The following CELF4 variants were observed in gnomAD, a reference collection of about 807,000 sequenced individuals.
CELF4 encodes CUG-BP- and ETR-3-like factor 4.
A neutral mutation model predicts 59.9 loss-of-function variants in CELF4; 18 were observed. That is an observed-to-expected ratio of 0.30 (90% CI 0.21 to 0.45). The LOEUF is 0.45. Among genes scored for constraint, CELF4 ranks in the 20% least tolerant of loss-of-function variants. The pLI is 1.00. For synonymous variants in CELF4, 261 were observed against 267.1 expected, an observed-to-expected ratio of 0.98 and a Z score of 0.22; for missense variants, 456 against 689.0, an observed-to-expected ratio of 0.66 and a Z score of 3.79.
chr18:37,483,387 G>A (rs145457306), intron 2 of CELF4, among the ~76,000 whole-genome samples: 287 of 152,258 alleles, frequency 1.9e-3, no homozygotes, highest in African/African-American at 6.7e-3. Context: ...TGCCTGCCCC[G>A]AGAATTGTTT....
At chr18:37,251,563 T>C (rs753250184) in intron 12 of CELF4, among the ~76,000 whole-genome samples, 1 of 152,188 alleles carries the variant, frequency 6.6e-6, no homozygotes, top group Admixed American at 6.5e-5. Flanking sequence ...CCAAATCCTC[T>C]AGTTGACTCT....
At chr18:37,540,332 A>G (rs1375558253) in intron 1 of CELF4, among the ~76,000 whole-genome samples, 2 of 152,212 alleles carry the variant, frequency 1.3e-5, no homozygotes, top group Non-Finnish European at 2.9e-5. Flanking sequence ...TTGTAAGTAA[A>G]ACAGCAGCGT....
chr18:37,414,232 A>G (rs1326923077), intron 2 of CELF4, among the ~76,000 whole-genome samples: 1 of 151,304 alleles, frequency 6.6e-6, no homozygotes, highest in Admixed American at 6.6e-5. Flanking sequence ...CTATCTATCT[A>G]TCTATCTATC....
chr18:37,493,228 C>G (rs1387709110), intron 1 of CELF4, among the ~76,000 whole-genome samples: 1 of 152,208 alleles, frequency 6.6e-6, no homozygotes, highest in African/African-American at 2.4e-5. Context: ...ATGCCTCACC[C>G]CTTTAGAGCC....
At chr18:37,295,586 T>C (rs970863162) in intron 3 of CELF4, among the ~76,000 whole-genome samples, 2 of 152,166 alleles carry the variant, frequency 1.3e-5, no homozygotes, top group African/African-American at 4.8e-5. Flanking sequence ...ACTCTTGCAA[T>C]GCACCAGTCA....
At position 37,270,986 on chromosome 18, in the gene CELF4, C is replaced by T. The variant is rs143217554; in HGVS notation, c.950-69G>A. On this transcript the variant is annotated intron_variant, in intron 7 of 12. Coordinates refer to ENST00000420428, the MANE Select transcript of CELF4 (RefSeq NM_020180.4). The stretch of plus-strand genomic sequence containing the variant: ...GCAGAACAAAGGTGAGGAAGGCCCA[C>T]CCATAAAGCTTCACTCAACTGTTTC... 5.7e-5 allele frequency: 77 copies of T among 1,362,316 alleles called. No individual in the cohort carries two copies. The African/African-American group carries it at 9.3e-4, about 16-fold the overall frequency. 84.4% of individuals were successfully genotyped at this position (1,362,316 alleles called of 1,614,324 possible). A position where few individuals can be genotyped will look rare whatever the true frequency, so the allele number is the denominator to read the frequency against.
chr18:37,437,123 T>TATGGGTGGG (rs1411919204), intron 2 of CELF4, among the ~76,000 whole-genome samples: 39 of 152,058 alleles, frequency 2.6e-4, no homozygotes, highest in Non-Finnish European at 5.0e-4. Context: ...GGCTCCCCAG[T>TATGGGTGGG]GGGTGGCAGG....
intron 2 of CELF4, among the ~76,000 whole-genome samples, chr18:37,475,843 C>T (rs1352513717): frequency 1.3e-5 from 2 of 152,184 alleles, no homozygotes; most frequent in Non-Finnish European, 2.9e-5. Context: ...CCAAGCCTTC[C>T]TCCTCTTACT....
At chr18:37,448,810 G>A (rs1188448829) in intron 2 of CELF4, among the ~76,000 whole-genome samples, 1 of 152,212 alleles carries the variant, frequency 6.6e-6, no homozygotes, top group Non-Finnish European at 1.5e-5. Flanking sequence ...TTTGGTACTG[G>A]GACCTTGCTC....
At chr18:37,523,180 A>C (rs2099959557) in intron 1 of CELF4, among the ~76,000 whole-genome samples, 1 of 151,968 alleles carries the variant, frequency 6.6e-6, no homozygotes, top group African/African-American at 2.4e-5. Flanking sequence ...CCAATAGTCT[A>C]TATCTGATGA....
At chr18:37,247,879 T>A (rs1231242931) in intron 12 of CELF4, among the ~76,000 whole-genome samples, 1 of 152,156 alleles carries the variant, frequency 6.6e-6, no homozygotes, top group Non-Finnish European at 1.5e-5. Flanking sequence ...CACCCTTGAT[T>A]CTTTCTCTCC....
intron 3 of CELF4, among the ~76,000 whole-genome samples, chr18:37,287,324 C>G (rs72900353): frequency 0.028 from 4,320 of 152,328 alleles, 95 homozygotes; most frequent in Non-Finnish European, 0.044. Flanking sequence ...TGGGATAGAG[C>G]CCTTCAGACT....
chr18:37,443,983 C>T (rs747113287), intron 2 of CELF4, among the ~76,000 whole-genome samples: 17 of 152,146 alleles, frequency 1.1e-4, no homozygotes, highest in African/African-American at 3.4e-4. Context: ...ATTCTCCTCA[C>T]GCTCTATAAT....
At chr18:37,380,809 A>ATCCATCCC (rs1184287901) in intron 2 of CELF4, among the ~76,000 whole-genome samples, 9 of 150,838 alleles carry the variant, frequency 6.0e-5, no homozygotes, top group African/African-American at 2.0e-4. Context: ...CCATCCATCC[A>ATCCATCCC]TCCATCCATC....
In CELF4 at chr18:37,270,792, C is replaced by T. The variant is rs367780273; in HGVS notation, c.1075G>A (p.Ala359Thr). The change falls in exon 8 of 13, where the codon GCC becomes ACC. Residue 359 changes from alanine (A) to threonine (T), a missense_variant. This residue lies in a region of CELF4 where 256 missense variants were observed against 340.8 expected (regional missense o/e 0.75). Transcript: ENST00000420428. ...CCTGGGTAGGGGTGGATGCCATTGG[C>T]GAACACAGCTTCCGCAGCAGGTTGC... ...NGQPAAEAVF[A>T]NGIHPYPAQS... 44 of 1,613,788 alleles carry T rather than the reference C, an allele frequency of 2.7e-5. No homozygotes were observed. Among genetic ancestry groups the T allele is most frequent in the East Asian group, 6.7e-5 (3 of 44,888 alleles).
At chr18:37,560,408 TATCAAC>T (rs1309457190) in intron 1 of CELF4, among the ~76,000 whole-genome samples, 2 of 152,262 alleles carry the variant, frequency 1.3e-5, no homozygotes, top group Non-Finnish European at 1.5e-5. Flanking sequence ...GTAGGACACT[TATCAAC>T]ATCTGGAATT....
rs35971960 is a variant in CELF4, at chr18:37,431,362, CT to C, written c.369+54162del. On this transcript the variant is annotated intron_variant, in intron 2 of 12. Transcript: ENST00000420428. ...ACACAGCCACTTTCTCCTTTCTTTC[CT>C]TTTTTTTTTTTTTTTTTTTTTTGAG... 5.4e-3 allele frequency among the ~76,000 whole-genome samples: 438 copies of C among 81,552 alleles called. 1 individual carries two copies. The highest frequency in any genetic ancestry group is 0.018 in the African/African-American group (379 of 20,516). 53.5% of individuals were successfully genotyped at this position (81,552 alleles called of 152,430 possible).
Position 37,274,400 on chromosome 18 carries a change from T to C in CELF4, c.712A>G (p.Met238Val). The change falls in exon 6 of 13, where the codon ATG becomes GTG. Residue 238 changes from methionine (M) to valine (V), a missense_variant. Met to Val is a conservative substitution (Grantham distance 21). Coordinates refer to ENST00000420428, the MANE Select transcript of CELF4 (RefSeq NM_020180.4). ...KFADTDKERT[M>V]RRMQQMAGQM... is the part of the protein sequence containing the mutation. ...CCAGCCATCTGCTGCATTCGCCGCATCGTGCGCTCCTTGTCGGTGTCGGCG... is the reference window on the plus strand; with the variant it reads ...CCAGCCATCTGCTGCATTCGCCGCACCGTGCGCTCCTTGTCGGTGTCGGCG... The C allele has an allele frequency of 6.2e-7, 1 of 1,613,548 alleles. No individual in the cohort carries two copies. Among genetic ancestry groups the C allele is most frequent in the Non-Finnish European group, 8.5e-7 (1 of 1,179,972 alleles).
At chr18:37,406,598 G>A (rs1413512069) in intron 2 of CELF4, among the ~76,000 whole-genome samples, 2 of 152,136 alleles carry the variant, frequency 1.3e-5, no homozygotes, top group Admixed American at 6.5e-5. Context: ...AGCAACTGTT[G>A]TCCCAATATA....
Sources: gnomAD v4.1 joint callset for allele counts (sites outside exome capture counted in the v4.1 genomes callset) on GRCh38, gnomAD v4.1.1 for gene constraint, gnomAD v4.1.1 regional missense constraint, MANE v1.5 for transcripts, NCBI Gene and HGNC (gene_info 2026-07-23, HGNC 2026-07-21) for gene names.